The following FBN1 variants were observed in gnomAD, a reference collection of about 807,000 sequenced individuals.
The protein encoded by FBN1 is fibrillin 1.
Under a neutral mutation model 365.1 loss-of-function variants are expected in FBN1, and 29 were observed. The ratio of observed to expected loss-of-function variants is 0.08; its 90% CI spans 0.06 to 0.11. The LOEUF is 0.11. FBN1 is among the 10% of genes least tolerant of loss of function. The probability of loss-of-function intolerance (pLI) is 1.00; values close to 1 mark genes in which losing one functional copy is unlikely to be tolerated. For synonymous variants in FBN1, 1,210 were observed against 1,270.5 expected, an observed-to-expected ratio of 0.95 and a Z score of 1.01; for missense variants, 2,476 against 3,703.2, an observed-to-expected ratio of 0.67 and a Z score of 8.60.
chr15:48,468,202 CT>C, intron 37 of FBN1, 100 bp from the exon 38 acceptor site: 1 of 1,496,384 alleles, frequency 6.7e-7, no homozygotes, highest in Non-Finnish European at 9.3e-7. Context: ...CCGTAATTTA[CT>C]TTTACTGAGA....
intron 53 of FBN1, among the ~76,000 whole-genome samples, chr15:48,435,320 G>C (rs2043057165): frequency 6.7e-6 from 1 of 149,962 alleles, no homozygotes; most frequent in Non-Finnish European, 1.5e-5. Context: ...GATGCTCTAA[G>C]GGTTAAAAAA....
intron 10 of FBN1, 32 bp downstream of exon 10, chr15:48,520,627 G>A (rs751432532): frequency 1.9e-6 from 3 of 1,613,022 alleles, no homozygotes; most frequent in Non-Finnish European, 2.5e-6. Context: ...GCTGGGATGG[G>A]ATATTCTGCA....
intron 2 of FBN1, among the ~76,000 whole-genome samples, chr15:48,614,062 A>T (rs1034068364): frequency 6.6e-6 from 1 of 152,232 alleles, no homozygotes; most frequent in Non-Finnish European, 1.5e-5. Context: ...AATCCAGATG[A>T]TCCACATTTA....
chr15:48,513,085 T>C (rs2043773934), intron 13 of FBN1, among the ~76,000 whole-genome samples: 1 of 152,210 alleles, frequency 6.6e-6, no homozygotes, highest in South Asian at 2.1e-4. Context: ...TGGTGGAACC[T>C]GAGATTCTGC....
At chr15:48,633,075 A>G (rs1890018067) in intron 2 of FBN1, among the ~76,000 whole-genome samples, 1 of 152,248 alleles carries the variant, frequency 6.6e-6, no homozygotes, top group Non-Finnish European at 1.5e-5. Context: ...GGAGAGAAAG[A>G]TATTCCAAAT....
chr15:48,555,049 T>A (rs566304333), intron 6 of FBN1, among the ~76,000 whole-genome samples: 1 of 152,228 alleles, frequency 6.6e-6, no homozygotes, highest in Admixed American at 6.5e-5. Context: ...ACTATAGAAA[T>A]GTAAGGGCAT....
intron 43 of FBN1, 123 bp from the exon 44 acceptor site, chr15:48,456,885 G>GC: frequency 1.3e-6 from 1 of 788,110 alleles, no homozygotes; most frequent in Non-Finnish European, 1.9e-6. Context: ...TGCATGTGTT[G>GC]GGGTGGTGGT....
At chr15:48,513,991 T>A (rs755556704) in intron 12 of FBN1, among the ~76,000 whole-genome samples, 10 of 152,222 alleles carry the variant, frequency 6.6e-5, no homozygotes, top group Non-Finnish European at 1.3e-4. Flanking sequence ...CAGAAGTGGC[T>A]TCTGGATAGG....
intron 32 of FBN1, among the ~76,000 whole-genome samples, chr15:48,478,615 A>G (rs1372038776): frequency 2.0e-5 from 3 of 152,300 alleles, no homozygotes; most frequent in Non-Finnish European, 2.9e-5. Flanking sequence ...GAAGCCTTAC[A>G]TTGGGTCATA....
intron 63 of FBN1, among the ~76,000 whole-genome samples, chr15:48,420,395 A>G (rs2042931042): frequency 6.6e-6 from 1 of 152,146 alleles, no homozygotes; most frequent in African/African-American, 2.4e-5. Context: ...ACATAACTCA[A>G]GTGTGGGCTG....
At chr15:48,457,573 T>C (rs946401470) in intron 43 of FBN1, among the ~76,000 whole-genome samples, 1 of 152,138 alleles carries the variant, frequency 6.6e-6, no homozygotes, top group Non-Finnish European at 1.5e-5. Flanking sequence ...AGCTTGGCCA[T>C]GTCCCCAGCC....
chr15:48,506,931 T>G (rs1454970562), intron 15 of FBN1, among the ~76,000 whole-genome samples: 4 of 152,172 alleles, frequency 2.6e-5, no homozygotes, highest in Non-Finnish European at 5.9e-5. Context: ...TCTCTCTCTC[T>G]CTCTCTCAGA....
chr15:48,413,064 G>A (rs961414072), intron 64 of FBN1, among the ~76,000 whole-genome samples: 2 of 152,228 alleles, frequency 1.3e-5, no homozygotes, highest in East Asian at 3.8e-4. Context: ...GGAAACAAGA[G>A]AATAGTAGAT....
chr15:48,559,545 G>A (rs1489491234), intron 6 of FBN1, among the ~76,000 whole-genome samples: 1 of 152,152 alleles, frequency 6.6e-6, no homozygotes, highest in Non-Finnish European at 1.5e-5. Flanking sequence ...CAATCCTCAA[G>A]AACCTCTGCC....
intron 60 of FBN1, among the ~76,000 whole-genome samples, chr15:48,423,778 T>C (rs1392765204): frequency 6.6e-6 from 1 of 152,214 alleles, no homozygotes; most frequent in East Asian, 1.9e-4. Context: ...CACTATTCAT[T>C]TGATATTTAG....
chr15:48,461,910 T>C (rs144523756), intron 42 of FBN1, among the ~76,000 whole-genome samples: 3 of 152,314 alleles, frequency 2.0e-5, no homozygotes, highest in Admixed American at 6.5e-5. Flanking sequence ...ATTTAAAATG[T>C]AGAAATCCTT....
chr15:48,559,140 T>C (rs1396974063), intron 6 of FBN1, among the ~76,000 whole-genome samples: 1 of 152,238 alleles, frequency 6.6e-6, no homozygotes, highest in Non-Finnish European at 1.5e-5. Flanking sequence ...GTGTAAATAC[T>C]GAATACAGAG....
At chr15:48,467,192 T>G (rs973161296) in intron 38 of FBN1, among the ~76,000 whole-genome samples, 8 of 152,332 alleles carry the variant, frequency 5.3e-5, no homozygotes, top group African/African-American at 1.9e-4. Flanking sequence ...GTTTAGGTCA[T>G]AATTTGCCTA....
At chr15:48,633,958 T>C (rs1264764288) in intron 2 of FBN1, among the ~76,000 whole-genome samples, 1 of 152,210 alleles carries the variant, frequency 6.6e-6, no homozygotes, top group Non-Finnish European at 1.5e-5. Context: ...TCAGTTTCAG[T>C]ATTTATACAT....
Sources: gnomAD v4.1 joint callset for allele counts (sites outside exome capture counted in the v4.1 genomes callset) on GRCh38, gnomAD v4.1.1 for gene constraint, MANE v1.5 for transcripts, NCBI Gene and HGNC (gene_info 2026-07-23, HGNC 2026-07-21) for gene names.